The following NHEJ1 variants were observed in gnomAD, a reference collection of about 807,000 sequenced individuals.
NHEJ1 encodes the protein non-homologous end joining factor 1.
NHEJ1 carries 22 observed loss-of-function variants against 39.4 expected under a neutral mutation model. The ratio of observed to expected loss-of-function variants is 0.56; its 90% confidence interval spans 0.40 to 0.80. The LOEUF is 0.80. Ranked by LOEUF, NHEJ1 falls within the 30% of genes least tolerant of loss-of-function variation. The probability of loss-of-function intolerance (pLI) is 0.00; values close to 1 mark genes in which losing one functional copy is unlikely to be tolerated. For missense variants in NHEJ1, 329 were observed against 357.1 expected (o/e 0.92, Z 0.63); for synonymous variants, 154 against 135.6 (o/e 1.14, Z -0.94).
chr2:219,153,707 A>AGAGAGAGCG (rs1949821877), intron 3 of NHEJ1, among the ~76,000 whole-genome samples: 1 of 47,258 alleles, frequency 2.1e-5, no homozygotes, highest in Non-Finnish European at 5.6e-5. Context: ...GGGGGGGTGG[A>AGAGAGAGCG]GAGAGAGAGA....
chr2:219,099,610 T>C (rs142056677), intron 5 of NHEJ1, among the ~76,000 whole-genome samples: 1 of 152,220 alleles, frequency 6.6e-6, no homozygotes, highest in African/African-American at 2.4e-5. Context: ...GACTCAAAGC[T>C]GGGCTTTTTA....
chr2:219,151,465 TC>T (rs1236596545), intron 3 of NHEJ1, among the ~76,000 whole-genome samples: 2 of 152,250 alleles, frequency 1.3e-5, no homozygotes, highest in Admixed American at 1.3e-4. Flanking sequence ...ACTGAAATTA[TC>T]TATCAGACCC....
rs573744685 is a variant in NHEJ1 at position 219,080,534 on chromosome 2, T to A, written c.589-2328A>T. ...AGCAAGACTCTGTCTTAAAAAAAAATAAATAAATAAATAAAAATATATATA... is the reference window on the plus strand; with the variant it reads ...AGCAAGACTCTGTCTTAAAAAAAAAAAAATAAATAAATAAAAATATATATA... On this transcript the variant is annotated intron_variant, in intron 5 of 7. Transcript: ENST00000356853. Among the ~76,000 whole-genome samples, 567 of 139,556 alleles carry A rather than the reference T, an allele frequency of 4.1e-3. 4 individuals carry two copies. The highest frequency in any genetic ancestry group is 0.011 in the African/African-American group (382 of 35,770). 91.6% of individuals were successfully genotyped at this position (139,556 alleles called of 152,430 possible).
intron 7 of NHEJ1, among the ~76,000 whole-genome samples, chr2:219,076,775 A>G (rs1397608407): frequency 6.6e-6 from 1 of 152,132 alleles, no homozygotes; most frequent in African/African-American, 2.4e-5. Context: ...TCCTGGCTTC[A>G]AGTGATCCTC....
At chr2:219,087,725 T>C (rs1343507567) in intron 5 of NHEJ1, among the ~76,000 whole-genome samples, 1 of 152,128 alleles carries the variant, frequency 6.6e-6, no homozygotes, top group Non-Finnish European at 1.5e-5. Flanking sequence ...GAGGTAAAGA[T>C]TTCTTAACAG....
rs1247754776 is a variant in NHEJ1, at chr2:219,158,433, A to G, written c.1-71T>C. 2.8e-6 allele frequency: 4 copies of G among 1,425,020 alleles called. No individual in the cohort carries two copies. The Admixed American group carries it at 6.8e-5, about 24-fold the overall frequency. 88.3% of individuals were successfully genotyped at this position (1,425,020 alleles called of 1,614,324 possible). On this transcript the variant is annotated intron_variant, in intron 1 of 7. Coordinates refer to ENST00000356853, the MANE Select transcript of NHEJ1 (RefSeq NM_024782.3). ...GCCTAGGGAGGGCACCACCCAAACC[A>G]GTCTGTATCAACTAAAATCTCATGA...
intron 5 of NHEJ1, among the ~76,000 whole-genome samples, chr2:219,115,849 C>T (rs1017096889): frequency 5.3e-5 from 8 of 152,142 alleles, no homozygotes; most frequent in African/African-American, 1.4e-4. Flanking sequence ...TGGCCTGGCC[C>T]GGTGGCTCAC....
chr2:219,091,818 AGTATGTGTG>A (rs1949162541), intron 5 of NHEJ1, among the ~76,000 whole-genome samples: 1 of 12,910 alleles, frequency 7.7e-5, no homozygotes, highest in Middle Eastern at 0.024. Context: ...GTATATATGA[AGTATGTGTG>A]TATATATGAA....
Position 219,069,659 on chromosome 2 carries a change from TG to T in NHEJ1, c.*6721del, listed in dbSNP as rs1162716362. On this transcript the variant is annotated 3_prime_UTR_variant, in exon 8 of 8. Coordinates refer to ENST00000356853, the MANE Select transcript of NHEJ1 (RefSeq NM_024782.3). ...ATGGAACTGAAGCAGGTAGAGAAAG[TG>T]GTTTCAAAAGGATCTAAAGATGACG... 1 of 152,056 alleles carries T rather than the reference TG, an allele frequency of 6.6e-6. No homozygotes were observed. The highest frequency in any genetic ancestry group is 2.4e-5 in the African/African-American group (1 of 41,334). The allele number at this position is 152,056 out of a possible 1,614,324, so 9.4% of individuals were successfully genotyped here.
At chr2:219,104,969 G>A (rs1040357596) in intron 5 of NHEJ1, among the ~76,000 whole-genome samples, 1 of 152,094 alleles carries the variant, frequency 6.6e-6, no homozygotes, top group East Asian at 1.9e-4. Context: ...CATCAGCTGG[G>A]GTGGCAGGCA....
At chr2:219,147,079 T>C (rs1264806314) in intron 4 of NHEJ1, among the ~76,000 whole-genome samples, 3 of 152,372 alleles carry the variant, frequency 2.0e-5, no homozygotes, top group Admixed American at 6.5e-5. Flanking sequence ...TGTATAGCTA[T>C]TGGCTCCTTT....
chr2:219,114,520 C>T (rs1193208611), intron 5 of NHEJ1, among the ~76,000 whole-genome samples: 1 of 152,114 alleles, frequency 6.6e-6, no homozygotes, highest in Non-Finnish European at 1.5e-5. Context: ...CATAAGTACT[C>T]CATAGGCCTA....
intron 5 of NHEJ1, among the ~76,000 whole-genome samples, chr2:219,092,958 T>C (rs1949174754): frequency 6.6e-6 from 1 of 152,226 alleles, no homozygotes; most frequent in African/African-American, 2.4e-5. Context: ...AAAACCCGTT[T>C]TTACTTAAGC....
chr2:219,140,643 A>C (rs140782538), intron 5 of NHEJ1, among the ~76,000 whole-genome samples: 1 of 152,368 alleles, frequency 6.6e-6, no homozygotes, highest in East Asian at 1.9e-4. Flanking sequence ...CCATCAACTT[A>C]GATGGGAGGG....
chr2:219,070,470 G>A lies in NHEJ1; in HGVS notation c.*5911C>T, dbSNP rs1437226940. Among the ~76,000 whole-genome samples the A allele has an allele frequency of 1.3e-5, 2 of 152,208 alleles. No homozygotes were observed. The highest frequency in any genetic ancestry group is 2.9e-5 in the Non-Finnish European group (2 of 68,038). ...GCCTCCCAAAGTGCTGGGATTACAG[G>A]CGTGAGCCACTGCGCCTGGCCCACC... On this transcript the variant is annotated 3_prime_UTR_variant, in exon 8 of 8. Transcript: ENST00000356853.
chr2:219,137,071 GAAAAAAA>G (rs769632691), intron 5 of NHEJ1, among the ~76,000 whole-genome samples: 6 of 64,980 alleles, frequency 9.2e-5, no homozygotes, highest in African/African-American at 1.7e-4. Flanking sequence ...CTCTTCTTGA[GAAAAAAA>G]AAAAAAAAAA....
intron 5 of NHEJ1, among the ~76,000 whole-genome samples, chr2:219,110,267 G>T (rs1367520114): frequency 6.6e-6 from 1 of 152,108 alleles, no homozygotes; most frequent in Non-Finnish European, 1.5e-5. Context: ...TGTAATCCCA[G>T]CACTTTGGGA....
At chr2:219,146,355 C>CT (rs1409037505) in intron 5 of NHEJ1, among the ~76,000 whole-genome samples, 2 of 152,158 alleles carry the variant, frequency 1.3e-5, no homozygotes, top group Admixed American at 1.3e-4. Flanking sequence ...ACCTTACGAC[C>CT]AGATCTCAAC....
intron 5 of NHEJ1, among the ~76,000 whole-genome samples, chr2:219,116,347 T>A (rs1949416005): frequency 6.6e-6 from 1 of 152,142 alleles, no homozygotes; most frequent in African/African-American, 2.4e-5. Flanking sequence ...TTGGTGGATA[T>A]AACTCTTAGG....
Sources: allele counts gnomAD v4.1 joint callset (sites outside exome capture counted in the v4.1 genomes callset), GRCh38; gene constraint gnomAD v4.1.1; transcripts MANE v1.5; gene names NCBI Gene and HGNC (gene_info 2026-07-23, HGNC 2026-07-21).